The following MAN1C1 variants were observed in gnomAD, a reference collection of about 807,000 sequenced individuals.
The protein encoded by MAN1C1 is mannosyl-oligosaccharide 1,2-alpha-mannosidase IC.
A neutral mutation model predicts 71.5 loss-of-function variants in MAN1C1; 49 were observed. The observed-to-expected ratio is 0.69, with a 90% confidence interval of 0.54 to 0.87. MAN1C1 has a LOEUF of 0.87. MAN1C1 is among the 40% of genes least tolerant of loss of function. MAN1C1 has a pLI of 0.00. For synonymous variants in MAN1C1, 352 were observed against 343.7 expected (o/e 1.02, Z -0.27); for missense variants, 743 against 835.0 (o/e 0.89, Z 1.36).
Position 25,735,115 on chromosome 1 carries a change from C to T in MAN1C1, c.638-11553C>T, listed in dbSNP as rs981198118. Among the ~76,000 whole-genome samples, 6 of 152,000 alleles carry T rather than the reference C, an allele frequency of 3.9e-5. No homozygotes were observed. The highest frequency in any genetic ancestry group is 6.6e-5 in the Admixed American group (1 of 15,262). ...CTAGAATGTGGAACACATGAAAAGA[C>T]GATTAAGACATAGGCGGCCAGTCGC... On this transcript the variant is annotated intron_variant, in intron 2 of 11. Transcript: ENST00000374332. This position sits in a 1 kb window ranked among gnomAD's most constrained non-coding sequence, Gnocchi z 4.6.
At chr1:25,752,180 T>G (rs192226884) in intron 4 of MAN1C1, among the ~76,000 whole-genome samples, 1 of 152,144 alleles carries the variant, frequency 6.6e-6, no homozygotes, top group Admixed American at 6.5e-5. Flanking sequence ...ACTTCACAGT[T>G]TATAAAGTAC....
intron 1 of MAN1C1, among the ~76,000 whole-genome samples, chr1:25,633,957 G>C (rs2045421801): frequency 6.6e-6 from 1 of 152,064 alleles, no homozygotes; most frequent in African/African-American, 2.4e-5. Flanking sequence ...TTTCTTGTAG[G>C]GCTGGTCTGG....
At chr1:25,717,165 T>A (rs1191738038) in intron 2 of MAN1C1, among the ~76,000 whole-genome samples, 1 of 152,226 alleles carries the variant, frequency 6.6e-6, no homozygotes, top group Non-Finnish European at 1.5e-5. Flanking sequence ...TTTTCTTAGG[T>A]ATATACCCAA....
At position 25,778,144 on chromosome 1, in the gene MAN1C1, C is replaced by A; in HGVS notation, c.1297C>A (p.Leu433Met). ...CTTGCTGAATGTCTCTCCCGGGGGG[C>A]TGACCTACATTGCCGAGTGGCGAGG... ...TYLLNVSPGG[L>M]TYIAEWRGGI... The change falls in exon 9 of 12, where the codon CTG (leucine) becomes ATG (methionine). Residue 433 changes from leucine to methionine, a missense_variant. Coordinates refer to ENST00000374332, the MANE Select transcript of MAN1C1 (RefSeq NM_020379.4). The surrounding 1 kb of genome is among the most constrained non-coding windows in gnomAD (Gnocchi z 5.5). The A allele has an allele frequency of 3.1e-6, 5 of 1,595,320 alleles. No homozygotes were observed. The highest frequency in any genetic ancestry group is 4.3e-6 in the Non-Finnish European group (5 of 1,168,468).
rs1278157339 is a variant in MAN1C1 at position 25,764,646 on chromosome 1, GACCTCAAATGATCC to G, written c.1141+681_1141+694del. Among the ~76,000 whole-genome samples the G allele has an allele frequency of 2.0e-5, 3 of 151,896 alleles. No individual in the cohort carries two copies. The highest frequency in any genetic ancestry group is 4.8e-5 in the African/African-American group (2 of 41,362). On this transcript the variant is annotated intron_variant, in intron 7 of 11. Coordinates refer to ENST00000374332, the MANE Select transcript of MAN1C1 (RefSeq NM_020379.4). The surrounding 1 kb of genome is among the most constrained non-coding windows in gnomAD (Gnocchi z 4.4). ...TTGGCCAAGCTGGTCTCGAACTCCT[GACCTCAAATGATCC>G]AACCGCCTCGGCCTCCCAAAGTGCT...
chr1:25,617,755 T>G lies in MAN1C1; in HGVS notation c.-43T>G. The G allele has an allele frequency of 1.3e-6, 2 of 1,534,126 alleles. No individual in the cohort carries two copies. The highest frequency in any genetic ancestry group is 1.7e-6 in the Non-Finnish European group (2 of 1,146,228). ...CCCTCACCGCGCCCCCGCAGACACG[T>G]GCCTGGACTCCGAGGGCTTCTGGAG... is the stretch of plus-strand genomic sequence containing the variant. On this transcript the variant is annotated 5_prime_UTR_variant, in exon 1 of 12. Transcript: ENST00000374332. The surrounding 1 kb of genome is among the most constrained non-coding windows in gnomAD (Gnocchi z 5.1).
intron 2 of MAN1C1, among the ~76,000 whole-genome samples, chr1:25,717,356 G>GA (rs1557777386): frequency 6.6e-6 from 1 of 151,734 alleles, no homozygotes; most frequent in Non-Finnish European, 1.5e-5. Context: ...ACAAAAAAAA[G>GA]AAAAAATTAT....
chr1:25,642,833 C>T (rs1293266487), intron 1 of MAN1C1, among the ~76,000 whole-genome samples: 1 of 152,162 alleles, frequency 6.6e-6, no homozygotes, highest in African/African-American at 2.4e-5. Flanking sequence ...CTGCAGGAAG[C>T]AGTGACGAGG....
At position 25,753,441 on chromosome 1, in the gene MAN1C1, A is replaced by T; in HGVS notation, c.835-43A>T. Reference sequence around the variant, plus strand: ...GCAGTTCTGGGGTTGACCTTCCCTCACCCAGCCTGGAGTCAAAAGCCCTTT... The same window carrying T: ...GCAGTTCTGGGGTTGACCTTCCCTCTCCCAGCCTGGAGTCAAAAGCCCTTT... On this transcript the variant is annotated intron_variant, in intron 4 of 11. Transcript: ENST00000374332. This position sits in a 1 kb window ranked among gnomAD's most constrained non-coding sequence, Gnocchi z 4.9. 1 of 1,516,550 alleles carries T rather than the reference A, an allele frequency of 6.6e-7. No homozygotes were observed. Among genetic ancestry groups the T allele is most frequent in the Non-Finnish European group, 9.1e-7 (1 of 1,102,654 alleles). 93.9% of individuals were successfully genotyped at this position (1,516,550 alleles called of 1,614,324 possible).
intron 1 of MAN1C1, among the ~76,000 whole-genome samples, chr1:25,673,813 T>C (rs1295263889): frequency 2.0e-5 from 3 of 152,224 alleles, no homozygotes; most frequent in Non-Finnish European, 4.4e-5. Context: ...TTTCTTTTGC[T>C]GTAAAATGGG....
At chr1:25,671,926 T>C (rs1458116114) in intron 1 of MAN1C1, among the ~76,000 whole-genome samples, 2 of 151,978 alleles carry the variant, frequency 1.3e-5, no homozygotes, top group African/African-American at 4.8e-5. Flanking sequence ...ATGGTAGAGG[T>C]GGGACTTATT....
intron 2 of MAN1C1, among the ~76,000 whole-genome samples, chr1:25,703,311 G>A (rs1036059703): frequency 2.0e-5 from 3 of 152,216 alleles, no homozygotes; most frequent in Admixed American, 1.3e-4. Context: ...GGAAGCAGTG[G>A]TGGCTGGAGA....
In MAN1C1 at chr1:25,769,551, G is replaced by A. The variant is rs2047518036; in HGVS notation, c.1142-2106G>A. Among the ~76,000 whole-genome samples the A allele has an allele frequency of 6.6e-6, 1 of 152,028 alleles. No homozygotes were observed. The highest frequency in any genetic ancestry group is 1.5e-5 in the Non-Finnish European group (1 of 67,988). On this transcript the variant is annotated intron_variant, in intron 7 of 11. Coordinates refer to ENST00000374332, the MANE Select transcript of MAN1C1 (RefSeq NM_020379.4). The surrounding 1 kb of genome is among the most constrained non-coding windows in gnomAD (Gnocchi z 4.8). ...CCAGAGGAAGCCTGGACCTTGTCAC[G>A]CACACACTCCACCACCGCGTGATTG...
intron 2 of MAN1C1, among the ~76,000 whole-genome samples, chr1:25,698,949 GA>G (rs550083045): frequency 0.015 from 1,748 of 117,106 alleles, 7 homozygotes; most frequent in South Asian, 0.021. Flanking sequence ...CTCTGTCTTG[GA>G]AAAAAAAAAA....
rs2046063325 is a variant in MAN1C1 at position 25,676,092 on chromosome 1, G to T, written c.541-10348G>T. ...CCTGGTCCCTGGAGCACTTTGAGCA[G>T]CGAGAGTTTCTCTGCCTGTATGGCC... On this transcript the variant is annotated intron_variant, in intron 1 of 11. Coordinates refer to ENST00000374332, the MANE Select transcript of MAN1C1 (RefSeq NM_020379.4). Among the ~76,000 whole-genome samples the T allele has an allele frequency of 2.0e-5, 3 of 152,152 alleles. No individual in the cohort carries two copies. The South Asian group carries it at 6.2e-4, about 32-fold the overall frequency.
rs1271599969 is a variant in MAN1C1 at position 25,616,827 on chromosome 1, G to C, written c.-971G>C. Among the ~76,000 whole-genome samples the C allele has an allele frequency of 6.7e-6, 1 of 148,334 alleles. No individual in the cohort carries two copies. Among genetic ancestry groups the C allele is most frequent in the South Asian group, 2.1e-4 (1 of 4,826 alleles). On this transcript the variant is annotated 5_prime_UTR_variant, in exon 1 of 12. Transcript: ENST00000374332. This position sits in a 1 kb window ranked among gnomAD's most constrained non-coding sequence, Gnocchi z 5.6. Reference sequence around the variant, plus strand: ...GAGCGGCGGCGGCGGCGGGGACGGCGGTGGAGGCGGCCGGGTGGCTGTGCG... The same window carrying C: ...GAGCGGCGGCGGCGGCGGGGACGGCCGTGGAGGCGGCCGGGTGGCTGTGCG...
chr1:25,751,175 C>G (rs936590104), intron 4 of MAN1C1, among the ~76,000 whole-genome samples: 16 of 150,864 alleles, frequency 1.1e-4, no homozygotes, highest in African/African-American at 3.4e-4. Flanking sequence ...TTCCATTTAT[C>G]TTTCCTTCTG....
Position 25,783,765 on chromosome 1 carries a change from C to T in MAN1C1, c.1869C>T (p.Ser623=), listed in dbSNP as rs147591390. Residue 623 remains serine (S), a synonymous_variant, in exon 12 of 12, where the codon TCC becomes TCT. Transcript: ENST00000374332. ...TCCCGGTGAACCACTCAGACAGCTC[C>T]GGCAGAGCCTGGGGCAGACACTGAC... is the stretch of plus-strand genomic sequence containing the variant. ...HPLPVNHSDS[S]GRAWGRH 96 of 1,612,108 alleles carry T rather than the reference C, an allele frequency of 6.0e-5. No individual in the cohort carries two copies. The highest frequency in any genetic ancestry group is 3.7e-4 in the Admixed American group (22 of 60,016).
chr1:25,662,448 G>A (rs1311049331), intron 1 of MAN1C1, among the ~76,000 whole-genome samples: 2 of 152,180 alleles, frequency 1.3e-5, no homozygotes, highest in Non-Finnish European at 2.9e-5. Flanking sequence ...ACAGAGCACA[G>A]CAGTTTGTAT....
Sources: gnomAD v4.1 joint callset for allele counts (sites outside exome capture counted in the v4.1 genomes callset) on GRCh38, gnomAD v4.1.1 for gene constraint, Gnocchi (gnomAD v3.1) non-coding constraint, MANE v1.5 for transcripts, NCBI Gene and HGNC (gene_info 2026-07-23, HGNC 2026-07-21) for gene names.